Variants in CRB1 observed in about 807,000 individuals in gnomAD.
CRB1 encodes the protein protein crumbs homolog 1.
CRB1 carries 83 observed loss-of-function variants against 120.0 expected under a neutral mutation model. The ratio of observed to expected loss-of-function variants is 0.69; its 90% CI spans 0.58 to 0.83. CRB1 has a LOEUF of 0.83. Ranked by LOEUF, CRB1 falls within the 40% of genes least tolerant of loss-of-function variation. The pLI is 0.00. For synonymous variants in CRB1, 625 were observed against 612.5 expected (o/e 1.02, Z -0.30); for missense variants, 1,699 against 1,687.6 (o/e 1.01, Z -0.12).
intron 5 of CRB1, among the ~76,000 whole-genome samples, chr1:197,416,450 T>G (rs555878790): frequency 6.6e-6 from 1 of 152,266 alleles, no homozygotes; most frequent in Non-Finnish European, 1.5e-5. Context: ...TGTCCTTCCA[T>G]TATATTGTAA....
chr1:197,425,188 A>G (rs1340616547), intron 6 of CRB1, among the ~76,000 whole-genome samples: 1 of 152,182 alleles, frequency 6.6e-6, no homozygotes, highest in African/African-American at 2.4e-5. Context: ...TTTATCTCAT[A>G]TGAAAGTGCT....
intron 11 of CRB1, among the ~76,000 whole-genome samples, chr1:197,456,685 C>T (rs970422670): frequency 6.6e-6 from 1 of 152,084 alleles, no homozygotes; most frequent in East Asian, 1.9e-4. Context: ...CCGAACCAAT[C>T]CCAGATGCAG....
chr1:197,350,493 A>C (rs962153002), intron 4 of CRB1, among the ~76,000 whole-genome samples: 8 of 152,170 alleles, frequency 5.3e-5, no homozygotes, highest in Admixed American at 4.6e-4. Context: ...ACCTCAAGAA[A>C]CCCAATTAGT....
intron 1 of CRB1, among the ~76,000 whole-genome samples, chr1:197,280,130 T>C (rs954003070): frequency 2.0e-5 from 3 of 151,890 alleles, no homozygotes; most frequent in African/African-American, 7.2e-5. Flanking sequence ...AATTTGGAAA[T>C]ACCAGCGTCA....
chr1:197,320,419 G>A (rs1658121603), intron 1 of CRB1, among the ~76,000 whole-genome samples: 1 of 152,118 alleles, frequency 6.6e-6, no homozygotes, highest in Admixed American at 6.6e-5. Context: ...ATTACATGGG[G>A]AAGTTTAGTA....
the CRB1 span, among the ~76,000 whole-genome samples, chr1:197,202,548 A>G: frequency 6.6e-6 from 1 of 152,354 alleles, no homozygotes; most frequent in African/African-American, 2.4e-5. Flanking sequence ...TAAAAGAATA[A>G]TTTAGAAGTG....
the CRB1 span, among the ~76,000 whole-genome samples, chr1:197,243,822 G>T: frequency 6.6e-6 from 1 of 152,036 alleles, no homozygotes; most frequent in Admixed American, 6.6e-5. Context: ...CTCTTTGTAG[G>T]TATCTAAGAA....
chr1:197,336,507 A>G (rs1016458744), intron 2 of CRB1, among the ~76,000 whole-genome samples: 30 of 152,158 alleles, frequency 2.0e-4, no homozygotes, highest in Non-Finnish European at 1.3e-4. Context: ...ATAATGTTTT[A>G]TGGTGTCTTA....
chr1:197,363,269 T>G (rs903555603), intron 5 of CRB1, among the ~76,000 whole-genome samples: 2 of 152,142 alleles, frequency 1.3e-5, no homozygotes, highest in Non-Finnish European at 2.9e-5. Flanking sequence ...TGTTTACTTA[T>G]GTGTCTATTC....
At chr1:197,240,621 G>T in the CRB1 span, among the ~76,000 whole-genome samples, 4 of 152,114 alleles carry the variant, frequency 2.6e-5, no homozygotes, top group African/African-American at 9.7e-5. Flanking sequence ...TCATTGATGC[G>T]CATTTGGTTT....
intron 5 of CRB1, among the ~76,000 whole-genome samples, chr1:197,418,824 C>T (rs956826267): frequency 3.9e-4 from 60 of 152,224 alleles, no homozygotes; most frequent in African/African-American, 1.2e-3. Context: ...AGGCATTTTC[C>T]TTCCTTCATG....
intron 2 of CRB1, among the ~76,000 whole-genome samples, chr1:197,329,531 A>G (rs559440450): frequency 2.6e-5 from 4 of 152,360 alleles, no homozygotes; most frequent in African/African-American, 9.6e-5. Context: ...AGAGCAAACA[A>G]TTGTACCTCA....
At chr1:197,283,037 G>C (rs943136492) in intron 1 of CRB1, among the ~76,000 whole-genome samples, 2 of 151,620 alleles carry the variant, frequency 1.3e-5, no homozygotes, top group Non-Finnish European at 2.9e-5. Context: ...GTACACCAGT[G>C]GGCAAGGAAG....
At chr1:197,454,206 T>C (rs896855451) in intron 11 of CRB1, among the ~76,000 whole-genome samples, 2 of 151,664 alleles carry the variant, frequency 1.3e-5, no homozygotes, top group Non-Finnish European at 2.9e-5. Context: ...AATAATACTG[T>C]ACTGTGCACT....
chr1:197,383,422 A>G (rs1180326341), intron 5 of CRB1, among the ~76,000 whole-genome samples: 1 of 152,180 alleles, frequency 6.6e-6, no homozygotes, highest in Non-Finnish European at 1.5e-5. Flanking sequence ...GACTATGAAT[A>G]AGTGTACCTG....
At chr1:197,331,129 G>C (rs1327953312) in intron 2 of CRB1, among the ~76,000 whole-genome samples, 1 of 151,906 alleles carries the variant, frequency 6.6e-6, no homozygotes. Context: ...CTGCACTCCA[G>C]CCTGGGCAAC....
intron 11 of CRB1, among the ~76,000 whole-genome samples, chr1:197,462,062 A>G (rs1666556109): frequency 6.6e-6 from 1 of 152,194 alleles, no homozygotes; most frequent in Admixed American, 6.6e-5. Context: ...CACAAATGCA[A>G]AAGTATGTTC....
At chr1:197,277,269 C>G (rs1256175706) in intron 1 of CRB1, among the ~76,000 whole-genome samples, 1 of 151,926 alleles carries the variant, frequency 6.6e-6, no homozygotes, top group African/African-American at 2.4e-5. Context: ...ATTGTGTAGT[C>G]TTTTTGGTTC....
intron 11 of CRB1, among the ~76,000 whole-genome samples, chr1:197,447,000 A>G (rs975369221): frequency 2.6e-5 from 4 of 152,182 alleles, no homozygotes; most frequent in Admixed American, 1.3e-4. Flanking sequence ...TATGTAATCC[A>G]TTTGTATTAT....
Sources: gnomAD v4.1 joint callset for allele counts (sites outside exome capture counted in the v4.1 genomes callset) on GRCh38, gnomAD v4.1.1 for gene constraint, MANE v1.5 for transcripts, NCBI Gene and HGNC (gene_info 2026-07-23, HGNC 2026-07-21) for gene names.